PATJ: variants seen among roughly 807,000 people sequenced by gnomAD.
PATJ encodes the protein inaD-like protein.
A neutral mutation model predicts 224.9 loss-of-function variants in PATJ; 190 were observed. The observed-to-expected ratio is 0.84, with a 90% CI of 0.75 to 0.95. PATJ has a LOEUF of 0.95. Ranked by LOEUF, PATJ falls within the 40% of genes least tolerant of loss-of-function variation. PATJ has a pLI of 0.00. For missense variants in PATJ, 2,121 were observed against 2,270.3 expected (o/e 0.93, Z 1.34); for synonymous variants, 769 against 820.3 (o/e 0.94, Z 1.07).
At chr1:61,956,053 T>C (rs1680402786) in intron 27 of PATJ, among the ~76,000 whole-genome samples, 1 of 152,182 alleles carries the variant, frequency 6.6e-6, no homozygotes, top group Non-Finnish European at 1.5e-5. Context: ...ACAAACCACA[T>C]GAAGCTGAAT....
chr1:61,999,603 G>A (rs1463310113), intron 28 of PATJ, among the ~76,000 whole-genome samples: 1 of 152,012 alleles, frequency 6.6e-6, no homozygotes, highest in Non-Finnish European at 1.5e-5. Context: ...AGGAGTTGGA[G>A]GTTACAGTGA....
intron 17 of PATJ, among the ~76,000 whole-genome samples, chr1:61,851,915 G>A (rs1662871233): frequency 6.6e-6 from 1 of 151,964 alleles, no homozygotes. Context: ...ATATGCTGAT[G>A]CCACTCAGAG....
In PATJ at chr1:62,094,558, AACACACACACACACACACACAC is replaced by A. The variant is rs58104906; in HGVS notation, c.4377+9940_4377+9961del. Among the ~76,000 whole-genome samples the A allele has an allele frequency of 3.8e-3, 506 of 132,504 alleles. 17 individuals carry two copies. The East Asian group carries it at 0.091, about 24-fold the overall frequency. 86.9% of individuals were successfully genotyped at this position (132,504 alleles called of 152,430 possible). A position where few individuals can be genotyped will look rare whatever the true frequency, so the allele number is the denominator to read the frequency against. ...CTGAACCTAACCTAGATTCTGTCTCAACACACACACACACACACACACACACACACACACACACACACACACA... is the reference window on the plus strand; with the variant it reads ...CTGAACCTAACCTAGATTCTGTCTCAACACACACACACACACACACACACA... On this transcript the variant is annotated intron_variant, in intron 33 of 43. Coordinates refer to ENST00000642238, the MANE Select transcript of PATJ (RefSeq NM_001350145.3).
intron 17 of PATJ, among the ~76,000 whole-genome samples, chr1:61,838,755 G>A (rs1161239765): frequency 6.6e-6 from 1 of 151,974 alleles, no homozygotes; most frequent in East Asian, 1.9e-4. Context: ...CAGTTTGTAG[G>A]TGAGGTTTTT....
chr1:62,136,952 T>G (rs1403231796), intron 41 of PATJ, among the ~76,000 whole-genome samples: 1 of 152,194 alleles, frequency 6.6e-6, no homozygotes, highest in Non-Finnish European at 1.5e-5. Flanking sequence ...CAGGAACCTT[T>G]AGGAGAGTTC....
At chr1:61,804,021 G>C (rs1405133092) in intron 12 of PATJ, among the ~76,000 whole-genome samples, 2 of 152,082 alleles carry the variant, frequency 1.3e-5, no homozygotes, top group Non-Finnish European at 2.9e-5. Context: ...AAAATTGCTG[G>C]TGAAATGTCA....
At chr1:61,824,335 G>C in intron 15 of PATJ, among the ~76,000 whole-genome samples, 1 of 149,868 alleles carries the variant, frequency 6.7e-6, no homozygotes, top group African/African-American at 2.5e-5. Flanking sequence ...AAAGTGCTGG[G>C]ATTACATGTG....
At chr1:62,056,439 G>A (rs564605686) in intron 31 of PATJ, among the ~76,000 whole-genome samples, 1 of 152,062 alleles carries the variant, frequency 6.6e-6, no homozygotes, top group South Asian at 2.1e-4. Flanking sequence ...GAAGTGGGAG[G>A]ATTAATTGAG....
At chr1:61,771,089 T>C (rs1276932056) in intron 5 of PATJ, among the ~76,000 whole-genome samples, 1 of 152,050 alleles carries the variant, frequency 6.6e-6, no homozygotes, top group African/African-American at 2.4e-5. Flanking sequence ...GAGATCAGAT[T>C]GGAAGGGGTT....
chr1:62,002,293 A>C (rs1050700511), intron 28 of PATJ, among the ~76,000 whole-genome samples: 2 of 152,180 alleles, frequency 1.3e-5, no homozygotes, highest in Non-Finnish European at 2.9e-5. Flanking sequence ...CTTCTCTTTC[A>C]TGGTGGGTAG....
At chr1:61,874,085 G>A (rs1003272313) in intron 20 of PATJ, among the ~76,000 whole-genome samples, 1 of 152,156 alleles carries the variant, frequency 6.6e-6, no homozygotes, top group Non-Finnish European at 1.5e-5. Context: ...TTCTGCATCA[G>A]TGAGGGCCCC....
chr1:62,074,997 C>G (rs1186607641), intron 31 of PATJ, among the ~76,000 whole-genome samples: 3 of 152,098 alleles, frequency 2.0e-5, no homozygotes, highest in Non-Finnish European at 4.4e-5. Flanking sequence ...TTCATATACT[C>G]CCACCTACCT....
chr1:61,964,785 C>T (rs575985078), intron 27 of PATJ, among the ~76,000 whole-genome samples: 4 of 151,906 alleles, frequency 2.6e-5, no homozygotes, highest in Admixed American at 2.0e-4. Context: ...AAGGCCTCAA[C>T]TCTTAAAAAA....
chr1:61,883,936 G>A (rs1668449756), intron 21 of PATJ, among the ~76,000 whole-genome samples: 1 of 150,384 alleles, frequency 6.6e-6, no homozygotes, highest in Non-Finnish European at 1.5e-5. Flanking sequence ...GAGAAAATGT[G>A]TAGTAAGATT....
At chr1:61,851,884 G>A (rs899346113) in intron 17 of PATJ, among the ~76,000 whole-genome samples, 9 of 152,034 alleles carry the variant, frequency 5.9e-5, no homozygotes, top group African/African-American at 2.2e-4. Flanking sequence ...AGGGGTGAGG[G>A]GGAGAAGGGA....
chr1:61,751,125 C>A (rs770717951), intron 1 of PATJ, among the ~76,000 whole-genome samples: 1 of 151,926 alleles, frequency 6.6e-6, no homozygotes, highest in Admixed American at 6.6e-5. Flanking sequence ...CCTCAGCCTC[C>A]CGAATAGCTG....
intron 27 of PATJ, chr1:61,952,416 G>C: frequency 1.4e-6 from 1 of 717,420 alleles, no homozygotes; most frequent in Non-Finnish European, 2.6e-6. Flanking sequence ...TCCCAGGTAA[G>C]ATTTCTGTTG....
intron 1 of PATJ, among the ~76,000 whole-genome samples, chr1:61,754,547 A>G (rs1368767475): frequency 3.4e-5 from 4 of 116,346 alleles, no homozygotes; most frequent in Non-Finnish European, 5.1e-5. Context: ...TTTTTTGTAG[A>G]TACAGGGTTC....
chr1:62,139,993 C>T (rs1207605826), intron 41 of PATJ, among the ~76,000 whole-genome samples: 1 of 152,070 alleles, frequency 6.6e-6, no homozygotes, highest in African/African-American at 2.4e-5. Flanking sequence ...CTCCTGGGCT[C>T]ATGTGATCTG....
Sources: allele counts gnomAD v4.1 joint callset (sites outside exome capture counted in the v4.1 genomes callset), GRCh38; gene constraint gnomAD v4.1.1; transcripts MANE v1.5; gene names NCBI Gene and HGNC (gene_info 2026-07-23, HGNC 2026-07-21).